TUNAR: variants seen among roughly 807,000 people sequenced by gnomAD.
TUNAR encodes transmembrane neural differentiation associated intracellular calcium regulator.
intron 2 of TUNAR, among the ~76,000 whole-genome samples, chr14:95,887,619 A>G (rs1043361120): frequency 6.6e-6 from 1 of 152,224 alleles, no homozygotes; most frequent in African/African-American, 2.4e-5. Context: ...AACTTAGTAA[A>G]TATATGTATT....
rs994757993 is a variant in TUNAR at position 95,888,225 on chromosome 14, A to G, written c.12+11048A>G. Among the ~76,000 whole-genome samples, 5 of 152,294 alleles carry G rather than the reference A, an allele frequency of 3.3e-5. No individual in the cohort carries two copies. In the East Asian group the frequency reaches 9.6e-4, roughly 29 times the overall value. On this transcript the variant is annotated intron_variant, in intron 2 of 2. Transcript: ENST00000678517. ...AATGGTAATCCCAGCTTTGATTAAT[A>G]TTTGCTGGGTGCTTACTGGGGTAGG...
At chr14:95,902,031 C>T (rs574904510) in intron 2 of TUNAR, among the ~76,000 whole-genome samples, 17 of 152,208 alleles carry the variant, frequency 1.1e-4, no homozygotes, top group African/African-American at 3.9e-4. Context: ...CAAGGATGTT[C>T]ACATCCTTTA....
intron 2 of TUNAR, among the ~76,000 whole-genome samples, chr14:95,891,753 A>G (rs1287197456): frequency 2.6e-5 from 4 of 152,376 alleles, no homozygotes; most frequent in South Asian, 2.1e-4. Flanking sequence ...GGATTAAGAC[A>G]ACAGAAATGT....
exon 3 of TUNAR, chr14:95,923,412 C>T (rs75228587): frequency 0.019 from 2,872 of 154,522 alleles, 108 homozygotes; most frequent in East Asian, 0.13. Flanking sequence ...AAACCACAGG[C>T]GCAGCCCTTT....
Position 95,905,518 on chromosome 14 carries a change from C to G in TUNAR, c.13-17263C>G, listed in dbSNP as rs374319632. ...CACTTTTGGCAAGAATCCCACAGAGCTCATGTTGTGACCTTCTTGGTGCCC... is the reference window on the plus strand; with the variant it reads ...CACTTTTGGCAAGAATCCCACAGAGGTCATGTTGTGACCTTCTTGGTGCCC... On this transcript the variant is annotated intron_variant, in intron 2 of 2. Transcript: ENST00000678517. Among the ~76,000 whole-genome samples, 11 of 152,332 alleles carry G rather than the reference C, an allele frequency of 7.2e-5. No individual in the cohort carries two copies. In the East Asian group the frequency reaches 2.1e-3, roughly 29 times the overall value.
intron 2 of TUNAR, among the ~76,000 whole-genome samples, chr14:95,911,069 C>G (rs146036377): frequency 3.5e-4 from 53 of 152,298 alleles, no homozygotes; most frequent in Non-Finnish European, 7.5e-4. Flanking sequence ...AATTGAACAT[C>G]CATGTACCTA....
intron 2 of TUNAR, among the ~76,000 whole-genome samples, chr14:95,917,983 C>T (rs1889633289): frequency 6.6e-6 from 1 of 151,476 alleles, no homozygotes; most frequent in African/African-American, 2.4e-5. Context: ...TCCACCCAGC[C>T]CCTGGCAGGA....
In TUNAR at chr14:95,895,522, A is replaced by G. The variant is rs777388517; in HGVS notation, c.12+18345A>G. Reference sequence around the variant, plus strand: ...CCAAAACCCAGGCAGTGGGATGGTCATGTTAGCATCTGTTTTACAAGGGAG... The same window carrying G: ...CCAAAACCCAGGCAGTGGGATGGTCGTGTTAGCATCTGTTTTACAAGGGAG... On this transcript the variant is annotated intron_variant, in intron 2 of 2. Transcript: ENST00000678517. The surrounding 1 kb of genome is among the most constrained non-coding windows in gnomAD (Gnocchi z 4.5). Among the ~76,000 whole-genome samples the G allele has an allele frequency of 6.6e-6, 1 of 152,154 alleles. No individual in the cohort carries two copies. The highest frequency in any genetic ancestry group is 1.5e-5 in the Non-Finnish European group (1 of 68,018).
At position 95,907,494 on chromosome 14, in the gene TUNAR, T is replaced by C. The variant is rs545892029; in HGVS notation, c.13-15287T>C. 2.6e-5 allele frequency among the ~76,000 whole-genome samples: 4 copies of C among 152,298 alleles called. No homozygotes were observed. In the East Asian group the frequency reaches 7.7e-4, roughly 29 times the overall value. ...TACTCTTCTTATGGGATCTTTAGAA[T>C]GTTGCTTTTCTGGCCAGAAATCTCT... On this transcript the variant is annotated intron_variant, in intron 2 of 2. Transcript: ENST00000678517.
chr14:95,919,602 G>A (rs1033559816), intron 2 of TUNAR, among the ~76,000 whole-genome samples: 1 of 151,768 alleles, frequency 6.6e-6, no homozygotes, highest in Non-Finnish European at 1.5e-5. Flanking sequence ...GGTACCAACT[G>A]CTTGGGAGGC....
intron 2 of TUNAR, among the ~76,000 whole-genome samples, chr14:95,884,835 T>A (rs1003287432): frequency 2.0e-5 from 3 of 152,102 alleles, no homozygotes; most frequent in African/African-American, 7.2e-5. Flanking sequence ...CGCTCTTGCT[T>A]ACAGATGAAA....
chr14:95,894,047 A>C (rs1889221201), intron 2 of TUNAR, among the ~76,000 whole-genome samples: 1 of 152,230 alleles, frequency 6.6e-6, no homozygotes, highest in Admixed American at 6.5e-5. Flanking sequence ...CCCTGTGGAG[A>C]TGACTGCTCA....
intron 2 of TUNAR, among the ~76,000 whole-genome samples, chr14:95,907,424 G>A (rs1312058047): frequency 6.6e-6 from 1 of 152,190 alleles, no homozygotes; most frequent in Non-Finnish European, 1.5e-5. Flanking sequence ...GTTATTTCTT[G>A]TTGGAAGTCA....
At chr14:95,897,208 A>G (rs1566787885) in intron 2 of TUNAR, among the ~76,000 whole-genome samples, 2 of 152,198 alleles carry the variant, frequency 1.3e-5, no homozygotes, top group Non-Finnish European at 2.9e-5. Flanking sequence ...TGTGTGATCC[A>G]GGATTTGCAT....
At chr14:95,890,441 A>T (rs746825032) in intron 2 of TUNAR, among the ~76,000 whole-genome samples, 5 of 152,180 alleles carry the variant, frequency 3.3e-5, no homozygotes, top group Non-Finnish European at 5.9e-5. Context: ...CTAATTTCCC[A>T]GGAGAGAAGT....
chr14:95,900,451 G>C (rs1014108406), intron 2 of TUNAR, among the ~76,000 whole-genome samples: 1 of 152,216 alleles, frequency 6.6e-6, no homozygotes, highest in Non-Finnish European at 1.5e-5. Context: ...GGCATGGCTT[G>C]AGCAAGAGCC....
rs910867735 is a variant in TUNAR, at chr14:95,899,287, G to A, written c.12+22110G>A. On this transcript the variant is annotated intron_variant, in intron 2 of 2. Coordinates refer to ENST00000678517, the Ensembl canonical transcript of TUNAR. ...TCTCATTGGCCTGATGTCCTTTGTC[G>A]AAGGTGAGGCCCCAGAATCCACTCC... 2.6e-5 allele frequency among the ~76,000 whole-genome samples: 4 copies of A among 152,046 alleles called. No homozygotes were observed. In the East Asian group the frequency reaches 7.7e-4, roughly 29 times the overall value.
chr14:95,879,571 A>G (rs906403740), intron 2 of TUNAR, among the ~76,000 whole-genome samples: 1 of 152,232 alleles, frequency 6.6e-6, no homozygotes, highest in Admixed American at 6.5e-5. Context: ...TTACATCACA[A>G]AACATTACTC....
At chr14:95,917,572 T>C (rs879793889) in intron 2 of TUNAR, among the ~76,000 whole-genome samples, 2 of 152,312 alleles carry the variant, frequency 1.3e-5, no homozygotes, top group Admixed American at 1.3e-4. Context: ...TAGAACACTT[T>C]AGGAAAAACT....
Sources: allele counts gnomAD v4.1 joint callset (sites outside exome capture counted in the v4.1 genomes callset), GRCh38; gene constraint gnomAD v4.1.1; non-coding constraint Gnocchi (gnomAD v3.1); transcripts MANE v1.5; gene names NCBI Gene and HGNC (gene_info 2026-07-23, HGNC 2026-07-21).